Variants in ZNF875 observed in about 807,000 individuals in gnomAD.
ZNF875 encodes HKR1, GLI-Kruppel zinc finger family member.
A neutral mutation model predicts 11.2 loss-of-function variants in ZNF875; 14 were observed. The ratio of observed to expected loss-of-function variants is 1.26; its 90% confidence interval spans 0.83 to 1.96. The LOEUF is 1.96. Ranked by LOEUF, ZNF875 falls within the 30% of genes most tolerant of loss-of-function variation. The probability of loss-of-function intolerance (pLI) is 0.00; values close to 1 mark genes in which losing one functional copy is unlikely to be tolerated. For synonymous variants in ZNF875, 301 were observed against 281.1 expected (o/e 1.07, Z -0.71); for missense variants, 752 against 760.4 (o/e 0.99, Z 0.13).
upstream of ZNF875, among the ~76,000 whole-genome samples, chr19:37,332,623 G>C (rs796623957): frequency 7.9e-5 from 12 of 152,334 alleles, no homozygotes; most frequent in African/African-American, 2.9e-4. Flanking sequence ...GCTTCTTCCA[G>C]TGTATTTTCT....
chr19:37,336,352 T>C (rs1400517743), intron 2 of ZNF875, among the ~76,000 whole-genome samples: 1 of 147,342 alleles, frequency 6.8e-6, no homozygotes, highest in African/African-American at 2.5e-5. Flanking sequence ...CAGGCTGGAG[T>C]GCAGTGGCGC....
intron 3 of ZNF875, among the ~76,000 whole-genome samples, chr19:37,323,874 A>T (rs1312733506): frequency 6.6e-6 from 1 of 151,994 alleles, no homozygotes; most frequent in African/African-American, 2.4e-5. Context: ...TCAAATGCAC[A>T]CCCCGGTGCA....
At chr19:37,324,770 CCT>C in intron 4 of ZNF875, 2 of 112,732 alleles carry the variant, frequency 1.8e-5, no homozygotes, top group African/African-American at 4.1e-5. Flanking sequence ...CAAGATTGAA[CCT>C]CTCTCTCTTT....
intron 4 of ZNF875, among the ~76,000 whole-genome samples, chr19:37,326,493 AT>A (rs1340481054): frequency 2.0e-5 from 3 of 151,748 alleles, no homozygotes; most frequent in African/African-American, 7.3e-5. Context: ...TCTCACCCTC[AT>A]TTCAGTCTTT....
chr19:37,362,835 A>T lies in ZNF875; in HGVS notation c.983A>T (p.His328Leu), dbSNP rs778632069. 4.3e-6 allele frequency: 7 copies of T among 1,614,110 alleles called. No individual in the cohort carries two copies. The highest frequency in any genetic ancestry group is 5.9e-6 in the Non-Finnish European group (7 of 1,179,992). The part of the protein sequence containing the change: ...GFTWKSNLFT[H>L]QRTHSGLKPY... ...ACTTGGAAGTCGAACCTCTTTACAC[A>T]TCAGCGGACACACTCAGGGCTCAAG... Residue 328 changes from histidine to leucine, a missense_variant, in exon 5 of 5, where the codon CAT becomes CTT. By Grantham distance (99) the His-to-Leu change is moderately conservative. Coordinates refer to ENST00000392153, the MANE Select transcript of ZNF875 (RefSeq NM_001353803.2).
chr19:37,353,037 C>T (rs1032638676), intron 4 of ZNF875, among the ~76,000 whole-genome samples: 1 of 151,642 alleles, frequency 6.6e-6, no homozygotes, highest in African/African-American at 2.4e-5. Context: ...CTACGCCCAG[C>T]TAATTTTTGT....
At chr19:37,339,544 G>GTTTTTT (rs572775539) in intron 2 of ZNF875, among the ~76,000 whole-genome samples, 1 of 115,750 alleles carries the variant, frequency 8.6e-6, no homozygotes, top group African/African-American at 3.4e-5. Context: ...AACCCTGCCA[G>GTTTTTT]TTTTTTTTTT....
intron 2 of ZNF875, 84 bp from the exon 3 acceptor site, chr19:37,347,106 C>A: frequency 3.1e-6 from 5 of 1,588,788 alleles, no homozygotes; most frequent in Non-Finnish European, 4.3e-6. Flanking sequence ...CATGAACCAC[C>A]GGGCCTGGCC....
chr19:37,329,177 T>TG (rs1471307612), intron 4 of ZNF875: 1 of 152,210 alleles, frequency 6.6e-6, no homozygotes, highest in Non-Finnish European at 1.5e-5. Flanking sequence ...CACAGGCCCC[T>TG]GGATCCTCCT....
At chr19:37,357,015 G>C (rs896077617) in intron 4 of ZNF875, among the ~76,000 whole-genome samples, 2 of 152,162 alleles carry the variant, frequency 1.3e-5, no homozygotes, top group African/African-American at 4.8e-5. Context: ...GAGGGGGAAG[G>C]GTCCAGTTTC....
At chr19:37,327,172 T>C (rs971771839) in intron 4 of ZNF875, among the ~76,000 whole-genome samples, 57 of 151,794 alleles carry the variant, frequency 3.8e-4, no homozygotes, top group Non-Finnish European at 1.9e-4. Context: ...TTTGTATTTT[T>C]AGTAGAGACA....
chr19:37,332,151 G>A (rs890657139), upstream of ZNF875, among the ~76,000 whole-genome samples: 1 of 149,124 alleles, frequency 6.7e-6, no homozygotes, highest in Non-Finnish European at 1.5e-5. Context: ...CAATTGTCTT[G>A]TGACCCTGAC....
chr19:37,330,577 G>T (rs959844883), upstream of ZNF875, among the ~76,000 whole-genome samples: 9 of 151,954 alleles, frequency 5.9e-5, no homozygotes, highest in Non-Finnish European at 1.3e-4. Context: ...CTGTTATTCT[G>T]TTGGTTTTCT....
chr19:37,353,722 C>T (rs1055330389), intron 4 of ZNF875, among the ~76,000 whole-genome samples: 7 of 152,082 alleles, frequency 4.6e-5, no homozygotes, highest in Non-Finnish European at 8.8e-5. Context: ...TGTCTTCTGG[C>T]TTTCATAGTT....
At chr19:37,319,035 A>G (rs1349511413) in intron 1 of ZNF875, among the ~76,000 whole-genome samples, 1 of 151,380 alleles carries the variant, frequency 6.6e-6, no homozygotes, top group Non-Finnish European at 1.5e-5. Flanking sequence ...TATGAACTAT[A>G]ATGCTGGTTT....
intron 2 of ZNF875, among the ~76,000 whole-genome samples, chr19:37,340,644 C>CTTTTTTTTTTTTTTT (rs386388968): frequency 4.8e-5 from 5 of 104,718 alleles, no homozygotes; most frequent in Non-Finnish European, 7.4e-5. Flanking sequence ...CTTATGTGTA[C>CTTTTTTTTTTTTTTT]TTTTTTTTTT....
intron 2 of ZNF875, 98 bp from the exon 3 acceptor site, chr19:37,347,092 C>T (rs539299844): frequency 1.6e-5 from 25 of 1,545,358 alleles, no homozygotes; most frequent in Non-Finnish European, 2.2e-5. Context: ...GCTGGGATTA[C>T]AGGCATGAAC....
chr19:37,341,603 A>G (rs1012824461), intron 2 of ZNF875, among the ~76,000 whole-genome samples: 1 of 152,184 alleles, frequency 6.6e-6, no homozygotes, highest in African/African-American at 2.4e-5. Flanking sequence ...CAGAGTCGTC[A>G]TAGAACGGGA....
intron 2 of ZNF875, chr19:37,344,858 A>G (rs920059800): frequency 5.0e-5 from 44 of 873,506 alleles, no homozygotes; most frequent in Non-Finnish European, 7.8e-5. Context: ...GTATGTGTGT[A>G]TGTTCTGAGA....
Sources: allele counts gnomAD v4.1 joint callset (sites outside exome capture counted in the v4.1 genomes callset), GRCh38; gene constraint gnomAD v4.1.1; transcripts MANE v1.5; gene names NCBI Gene and HGNC (gene_info 2026-07-23, HGNC 2026-07-21).